SLC4A4: variants seen among roughly 807,000 people sequenced by gnomAD.
The protein encoded by SLC4A4 is electrogenic sodium bicarbonate cotransporter 1.
SLC4A4 carries 27 observed loss-of-function variants against 111.5 expected under a neutral mutation model. The ratio of observed to expected loss-of-function variants is 0.24; its 90% CI spans 0.18 to 0.33. The LOEUF (loss-of-function observed/expected upper bound fraction) is 0.33, where lower values mean the gene tolerates loss of function less well. Ranked by LOEUF, SLC4A4 falls within the 10% of genes least tolerant of loss-of-function variation. The pLI, the probability that SLC4A4 is intolerant of heterozygous loss-of-function variation, is 1.00. For missense variants in SLC4A4, 909 were observed against 1,315.5 expected, an observed-to-expected ratio of 0.69 and a Z score of 4.78; for synonymous variants, 443 against 463.4, an observed-to-expected ratio of 0.96 and a Z score of 0.57.
At chr4:71,473,643 A>T (rs1728089655) in intron 14 of SLC4A4, among the ~76,000 whole-genome samples, 1 of 151,896 alleles carries the variant, frequency 6.6e-6, no homozygotes, top group South Asian at 2.1e-4. Context: ...GATTCTCTAT[A>T]TCTTAGCCCT....
intron 3 of SLC4A4, among the ~76,000 whole-genome samples, chr4:71,331,639 G>A (rs1728003189): frequency 1.3e-5 from 2 of 150,464 alleles, no homozygotes; most frequent in African/African-American, 4.9e-5. Context: ...TAAATGACGA[G>A]TTAATGGGTA....
chr4:71,439,053 T>C (rs1384344367), intron 7 of SLC4A4, among the ~76,000 whole-genome samples: 2 of 151,410 alleles, frequency 1.3e-5, no homozygotes, highest in South Asian at 2.1e-4. Flanking sequence ...TCCCCTAGCT[T>C]CCCCATTTCT....
intron 16 of SLC4A4, among the ~76,000 whole-genome samples, chr4:71,513,733 T>C (rs1293230267): frequency 1.3e-5 from 2 of 152,234 alleles, no homozygotes; most frequent in South Asian, 2.1e-4. Flanking sequence ...TTTCAACTTG[T>C]CCTCATTCAG....
chr4:71,347,988 T>C (rs1001267421), intron 4 of SLC4A4, among the ~76,000 whole-genome samples: 3 of 152,174 alleles, frequency 2.0e-5, no homozygotes, highest in Non-Finnish European at 4.4e-5. Context: ...TATATGATGA[T>C]ATCTTCCTTT....
chr4:71,075,715 A>G (rs1054673339), intron 1 of SLC4A4, among the ~76,000 whole-genome samples: 3 of 152,108 alleles, frequency 2.0e-5, no homozygotes, highest in Non-Finnish European at 4.4e-5. Flanking sequence ...CACGCCTGTA[A>G]TCCCAGCATT....
At chr4:71,155,831 A>T (rs1369545928) in intron 2 of SLC4A4, among the ~76,000 whole-genome samples, 1 of 152,108 alleles carries the variant, frequency 6.6e-6, no homozygotes, top group Non-Finnish European at 1.5e-5. Context: ...AACCCAATTA[A>T]TTGGGGGCAC....
chr4:71,385,473 T>C (rs1448490518), intron 6 of SLC4A4, among the ~76,000 whole-genome samples: 2 of 151,980 alleles, frequency 1.3e-5, no homozygotes, highest in African/African-American at 4.8e-5. Flanking sequence ...GCTGGGATTA[T>C]AAGCGTGAGC....
chr4:71,263,081 T>G (rs1721986195), intron 3 of SLC4A4, among the ~76,000 whole-genome samples: 1 of 149,762 alleles, frequency 6.7e-6, no homozygotes, highest in South Asian at 2.2e-4. Context: ...TTCTCGTTGT[T>G]CAATTCCCAC....
chr4:71,152,003 G>A (rs936674515), intron 2 of SLC4A4, among the ~76,000 whole-genome samples: 3 of 151,836 alleles, frequency 2.0e-5, no homozygotes, highest in Admixed American at 6.6e-5. Flanking sequence ...CAACCTGGGT[G>A]ACAGAGCAAA....
Position 71,374,850 on chromosome 4 carries a change from G to A in SLC4A4, c.730+17663G>A, listed in dbSNP as rs116494394. Among the ~76,000 whole-genome samples, 225 of 152,088 alleles carry A rather than the reference G, an allele frequency of 1.5e-3. 2 individuals carry two copies. The highest frequency in any genetic ancestry group is 5.0e-3 in the African/African-American group (209 of 41,480). Reference sequence around the variant, plus strand: ...ATTCAGACTTGTGCTTGACAAAATGGTGATATGTGTGATATATTTATAATC... The same window carrying A: ...ATTCAGACTTGTGCTTGACAAAATGATGATATGTGTGATATATTTATAATC... On this transcript the variant is annotated intron_variant, in intron 6 of 25. Transcript: ENST00000264485.
Position 71,472,707 on chromosome 4 carries a change from A to T in SLC4A4, c.1640A>T (p.Asn547Ile). ...RLLFNFSKDNNFDYLEFRLWI... is the reference protein window; with the variant it reads ...RLLFNFSKDNIFDYLEFRLWI... ...TTCTTTCTTTTTTCCAGGGACAATA[A>T]TTTTGACTATTTGGAGTTTCGCCTT... is the stretch of plus-strand genomic sequence containing the variant. The change falls in exon 14 of 26, where the codon AAT (asparagine) becomes ATT (isoleucine). Residue 547 changes from asparagine to isoleucine, a missense_variant. Around this residue, in one of 7 missense-constraint regions of SLC4A4, gnomAD observed 264 missense variants for 356.8 expected, o/e 0.74. Coordinates refer to ENST00000264485, the MANE Select transcript of SLC4A4 (RefSeq NM_001098484.3). 1 of 1,612,648 alleles carries T rather than the reference A, an allele frequency of 6.2e-7. No homozygotes were observed. The highest frequency in any genetic ancestry group is 8.5e-7 in the Non-Finnish European group (1 of 1,179,154).
intron 1 of SLC4A4, among the ~76,000 whole-genome samples, chr4:71,191,611 T>C (rs1375474814): frequency 6.6e-6 from 1 of 152,206 alleles, no homozygotes; most frequent in Non-Finnish European, 1.5e-5. Flanking sequence ...CCATTTTCTG[T>C]TGGTAATTCT....
At chr4:71,367,564 T>A (rs1482562028) in intron 6 of SLC4A4, among the ~76,000 whole-genome samples, 1 of 152,350 alleles carries the variant, frequency 6.6e-6, no homozygotes, top group East Asian at 1.9e-4. Context: ...GCCAGTATGA[T>A]AATATACATT....
chr4:71,363,337 T>A (rs1331866781), intron 6 of SLC4A4, among the ~76,000 whole-genome samples: 2 of 152,220 alleles, frequency 1.3e-5, no homozygotes, highest in East Asian at 1.9e-4. Flanking sequence ...GGTTTGATAT[T>A]AGATCCAGAT....
At chr4:71,522,190 T>C (rs895520829) in intron 16 of SLC4A4, among the ~76,000 whole-genome samples, 4 of 152,220 alleles carry the variant, frequency 2.6e-5, no homozygotes, top group African/African-American at 9.6e-5. Context: ...TATCCCACAC[T>C]GTAACTGGTC....
At chr4:71,535,877 CA>C (rs1269642070) in intron 18 of SLC4A4, among the ~76,000 whole-genome samples, 1 of 152,042 alleles carries the variant, frequency 6.6e-6, no homozygotes, top group African/African-American at 2.4e-5. Flanking sequence ...AACAAACCAA[CA>C]AAAAAACTAG....
intron 16 of SLC4A4, among the ~76,000 whole-genome samples, chr4:71,522,998 T>G (rs1433600654): frequency 6.6e-6 from 1 of 152,194 alleles, no homozygotes; most frequent in Non-Finnish European, 1.5e-5. Flanking sequence ...GACATTTTGG[T>G]CTGTGGCCAT....
chr4:71,153,033 G>GTGTGTATATATATATA (rs386400441), intron 2 of SLC4A4, among the ~76,000 whole-genome samples: 13 of 132,726 alleles, frequency 9.8e-5, no homozygotes, highest in African/African-American at 2.8e-4. Context: ...ATATGTGTGT[G>GTGTGTATATATATATA]TATATATATA....
At chr4:71,426,265 C>A (rs996983059) in intron 7 of SLC4A4, among the ~76,000 whole-genome samples, 2 of 151,994 alleles carry the variant, frequency 1.3e-5, no homozygotes, top group African/African-American at 4.8e-5. Flanking sequence ...ATGGTCTGAA[C>A]TAGTTTTTCA....
Sources: gnomAD v4.1 joint callset for allele counts (sites outside exome capture counted in the v4.1 genomes callset) on GRCh38, gnomAD v4.1.1 for gene constraint, gnomAD v4.1.1 regional missense constraint, MANE v1.5 for transcripts, NCBI Gene and HGNC (gene_info 2026-07-23, HGNC 2026-07-21) for gene names.